The following SMC5 variants were observed in gnomAD, a reference collection of about 807,000 sequenced individuals.
SMC5 encodes the protein structural maintenance of chromosomes protein 5.
In SMC5, 88 loss-of-function variants were observed where a neutral mutation model predicts 148.3. That is an observed-to-expected ratio of 0.59 (90% CI 0.50 to 0.71). The LOEUF (loss-of-function observed/expected upper bound fraction) is 0.71. Among genes scored for constraint, SMC5 ranks in the 30% least tolerant of loss-of-function variants. The pLI is 0.00. For synonymous variants in SMC5, 421 were observed against 432.8 expected, an observed-to-expected ratio of 0.97 and a Z score of 0.34; for missense variants, 1,142 against 1,298.9, an observed-to-expected ratio of 0.88 and a Z score of 1.86.
At chr9:70,266,085 T>C (rs1462589834) in intron 2 of SMC5, among the ~76,000 whole-genome samples, 2 of 152,158 alleles carry the variant, frequency 1.3e-5, no homozygotes. Context: ...AAAAGTTAAT[T>C]GTATACTGAG....
At chr9:70,319,447 T>A (rs1180889035) in intron 15 of SMC5, among the ~76,000 whole-genome samples, 1 of 152,190 alleles carries the variant, frequency 6.6e-6, no homozygotes, top group Non-Finnish European at 1.5e-5. Context: ...CAGATTTCTT[T>A]AGTTGAAGTC....
chr9:70,304,045 C>T (rs1471316412), intron 10 of SMC5, among the ~76,000 whole-genome samples: 1 of 152,132 alleles, frequency 6.6e-6, no homozygotes, highest in Non-Finnish European at 1.5e-5. Context: ...TTAGTATCTT[C>T]CATAGCATTG....
Position 70,286,345 on chromosome 9 carries a change from A to G in SMC5, c.1053+74A>G. 18 of 915,520 alleles carry G rather than the reference A, an allele frequency of 2.0e-5. No homozygotes were observed. In the South Asian group the frequency reaches 2.5e-4, roughly 13 times the overall value. The allele number at this position is 915,520 out of a possible 1,614,324, so 56.7% of individuals were successfully genotyped here. A position where few individuals can be genotyped will look rare whatever the true frequency, so the allele number is the denominator to read the frequency against. On this transcript the variant is annotated intron_variant, in intron 8 of 24. Coordinates refer to ENST00000361138, the MANE Select transcript of SMC5 (RefSeq NM_015110.4). Reference sequence around the variant, plus strand: ...TTTGTTTTCAAATACAGATTATGAGACAGATTCTTGTTGGGGAATGGCCAA... The same window carrying G: ...TTTGTTTTCAAATACAGATTATGAGGCAGATTCTTGTTGGGGAATGGCCAA...
chr9:70,348,806 A>G (rs1005277069), intron 22 of SMC5, among the ~76,000 whole-genome samples: 1 of 152,172 alleles, frequency 6.6e-6, no homozygotes, highest in African/African-American at 2.4e-5. Flanking sequence ...ATTTTTCTTT[A>G]AGACAGGCAA....
At chr9:70,302,986 TTGGGAGGCTGATG>T (rs2035399495) in intron 10 of SMC5, among the ~76,000 whole-genome samples, 1 of 152,096 alleles carries the variant, frequency 6.6e-6, no homozygotes, top group Non-Finnish European at 1.5e-5. Context: ...TTCCAGCATT[TTGGGAGGCTGATG>T]TGGGAGGACC....
chr9:70,324,544 G>A (rs991853258), intron 17 of SMC5, among the ~76,000 whole-genome samples: 2 of 152,120 alleles, frequency 1.3e-5, no homozygotes, highest in Admixed American at 1.3e-4. Context: ...TGGACAACAC[G>A]TATAACAAAA....
At position 70,264,358 on chromosome 9, in the gene SMC5, A is replaced by C. The variant is rs2034217595; in HGVS notation, c.240A>C (p.Gly80=). The C allele has an allele frequency of 6.2e-7, 1 of 1,613,886 alleles. No individual in the cohort carries two copies. The highest frequency in any genetic ancestry group is 2.2e-5 in the East Asian group (1 of 44,866). The change falls in exon 2 of 25, where the codon GGA becomes GGC. Residue 80 remains glycine, a synonymous_variant. Coordinates refer to ENST00000361138, the MANE Select transcript of SMC5 (RefSeq NM_015110.4). ...GACCCCACTTGAATATGATCGTTGG[A>C]GCCAATGGAACAGGGAAGTCGAGCA... The part of the protein sequence containing the change: ...SPGPHLNMIV[G]ANGTGKSSIV...
chr9:70,264,504 A>T (rs1400432692), intron 2 of SMC5, 59 bp downstream of exon 2: 1 of 1,566,590 alleles, frequency 6.4e-7, no homozygotes, highest in African/African-American at 1.4e-5. Context: ...TTTTAGTAAC[A>T]TCAATTTCTA....
At chr9:70,320,592 A>G (rs1353819863) in intron 15 of SMC5, among the ~76,000 whole-genome samples, 1 of 152,092 alleles carries the variant, frequency 6.6e-6, no homozygotes, top group East Asian at 1.9e-4. Flanking sequence ...ATATGGGAGG[A>G]TGTTCATAGG....
chr9:70,300,047 T>A lies in SMC5; in HGVS notation c.1311T>A (p.Ser437Arg). ...CTTTGTTTTGTTTTACAATTTTAGG[T>A]GTGGACGATCATATTGTACGTTTTG... Reference protein sequence around the residue: ...ERETLEKEKKSVDDHIVRFDN... With the variant: ...ERETLEKEKKRVDDHIVRFDN... The change falls in exon 10 of 25, where the codon AGT (serine) becomes AGA (arginine). Residue 437 changes from serine (S) to arginine (R), a missense_variant and splice_region_variant. Around this residue, in one of 5 missense-constraint regions of SMC5, gnomAD observed 743 missense variants for 835.7 expected, o/e 0.89. Coordinates refer to ENST00000361138, the MANE Select transcript of SMC5 (RefSeq NM_015110.4). 1 of 1,562,622 alleles carries A rather than the reference T, an allele frequency of 6.4e-7. No homozygotes were observed. Among genetic ancestry groups the A allele is most frequent in the Non-Finnish European group, 8.6e-7 (1 of 1,163,968 alleles).
chr9:70,263,893 TA>T (rs2034204334), intron 1 of SMC5, among the ~76,000 whole-genome samples: 1 of 152,218 alleles, frequency 6.6e-6, no homozygotes, highest in Non-Finnish European at 1.5e-5. Flanking sequence ...AAAATATGAA[TA>T]ACCATTAAGC....
intron 17 of SMC5, among the ~76,000 whole-genome samples, chr9:70,339,788 A>G (rs894788705): frequency 1.3e-5 from 2 of 152,162 alleles, no homozygotes; most frequent in South Asian, 4.1e-4. Flanking sequence ...ACTTTCTCAG[A>G]TTTTTGGAAG....
At chr9:70,279,873 A>C (rs1008037010) in intron 5 of SMC5, among the ~76,000 whole-genome samples, 1 of 151,902 alleles carries the variant, frequency 6.6e-6, no homozygotes, top group Non-Finnish European at 1.5e-5. Context: ...TCAGGGGTAC[A>C]TGTGCAGGTT....
At chr9:70,336,311 C>A (rs1217084431) in intron 17 of SMC5, among the ~76,000 whole-genome samples, 65 of 152,104 alleles carry the variant, frequency 4.3e-4, no homozygotes, top group Admixed American at 4.3e-3. Context: ...AAGAAAAAAA[C>A]AGTGTTGCTA....
At chr9:70,318,420 T>C in intron 13 of SMC5, 94 bp from the exon 14 acceptor site, 1 of 1,048,728 alleles carries the variant, frequency 9.5e-7, no homozygotes, top group Non-Finnish European at 1.3e-6. Flanking sequence ...TATATTTTGA[T>C]CTTCCAAAAT....
At chr9:70,311,198 T>G (rs1267992557) in intron 11 of SMC5, 1 of 152,218 alleles carries the variant, frequency 6.6e-6, no homozygotes, top group Non-Finnish European at 1.5e-5. Context: ...GCTTTTGATT[T>G]AAAGTGAAAA....
chr9:70,296,581 G>A (rs922657068), intron 8 of SMC5, among the ~76,000 whole-genome samples: 4 of 151,692 alleles, frequency 2.6e-5, no homozygotes, highest in African/African-American at 4.8e-5. Context: ...AAAGTTTAAG[G>A]ACATTAAGAT....
chr9:70,326,240 TC>T (rs2036071731), intron 17 of SMC5, among the ~76,000 whole-genome samples: 1 of 152,126 alleles, frequency 6.6e-6, no homozygotes, highest in South Asian at 2.1e-4. Context: ...GTGCAAGGGA[TC>T]TTTTTGGTGA....
At chr9:70,279,506 G>C (rs773755998) in intron 5 of SMC5, among the ~76,000 whole-genome samples, 1 of 150,814 alleles carries the variant, frequency 6.6e-6, no homozygotes. Flanking sequence ...GTGACAGAGC[G>C]AGACCCTGTG....
Sources: allele counts gnomAD v4.1 joint callset (sites outside exome capture counted in the v4.1 genomes callset), GRCh38; gene constraint gnomAD v4.1.1; regional missense constraint gnomAD v4.1.1; transcripts MANE v1.5; gene names NCBI Gene and HGNC (gene_info 2026-07-23, HGNC 2026-07-21).